The following PALM2AKAP2 variants were observed in gnomAD, a reference collection of about 807,000 sequenced individuals.
PALM2AKAP2 encodes PALM2-AKAP2 fusion protein.
A neutral mutation model predicts 71.5 loss-of-function variants in PALM2AKAP2; 37 were observed. The observed-to-expected ratio is 0.52, with a 90% confidence interval of 0.40 to 0.68. The LOEUF is 0.68. Ranked by LOEUF, PALM2AKAP2 falls within the 30% of genes least tolerant of loss-of-function variation. The pLI is 0.00. For synonymous variants in PALM2AKAP2, 468 were observed against 478.8 expected (o/e 0.98, Z 0.29); for missense variants, 1,224 against 1,191.8 (o/e 1.03, Z -0.40).
At chr9:110,054,490 T>A (rs1833790468) in intron 1 of PALM2AKAP2, among the ~76,000 whole-genome samples, 1 of 152,204 alleles carries the variant, frequency 6.6e-6, no homozygotes, top group Non-Finnish European at 1.5e-5. Flanking sequence ...CCTCCTAAAG[T>A]TGGTTGTTCT....
chr9:109,919,656 T>C (rs1287017414), intron 3 of PALM2AKAP2, among the ~76,000 whole-genome samples: 1 of 151,962 alleles, frequency 6.6e-6, no homozygotes, highest in Non-Finnish European at 1.5e-5. Flanking sequence ...AATATATGTG[T>C]ATATATATTA....
chr9:110,059,238 G>T (rs117642439), intron 1 of PALM2AKAP2, among the ~76,000 whole-genome samples: 1 of 152,186 alleles, frequency 6.6e-6, no homozygotes, highest in African/African-American at 2.4e-5. Context: ...ATCCAATAAA[G>T]AGCTCCTGTC....
rs116168541 is a variant in PALM2AKAP2, at chr9:109,997,303, G to C, written c.497-18651G>C. ...TTGCAAGCCTGTTTTCTCATCTGCA[G>C]AGCGGGGATAATATTGTGTCTACCT... On this transcript the variant is annotated intron_variant, in intron 6 of 9. Transcript: ENST00000302798. Among the ~76,000 whole-genome samples the C allele has an allele frequency of 9.1e-3, 1,382 of 152,320 alleles. 24 individuals carry two copies. Among genetic ancestry groups the C allele is most frequent in the African/African-American group, 0.031 (1,299 of 41,570 alleles).
chr9:109,926,502 T>A (rs79696662), intron 5 of PALM2AKAP2, among the ~76,000 whole-genome samples: 2,035 of 152,102 alleles, frequency 0.013, 43 homozygotes, highest in African/African-American at 0.047. Flanking sequence ...GGGCACGGAT[T>A]GAGGAAGTGG....
chr9:109,929,169 G>GTTTTTT (rs35064231), intron 5 of PALM2AKAP2, among the ~76,000 whole-genome samples: 2 of 137,758 alleles, frequency 1.5e-5, no homozygotes, highest in Admixed American at 7.3e-5. Context: ...TCTGTAAGTA[G>GTTTTTT]TTTTTTTTTT....
intron 1 of PALM2AKAP2, among the ~76,000 whole-genome samples, chr9:109,803,897 A>G (rs191602514): frequency 1.1e-3 from 174 of 152,338 alleles, no homozygotes; most frequent in African/African-American, 3.8e-3. Context: ...CTGTAAATAT[A>G]TTCCTTGGAG....
At chr9:109,900,392 G>A (rs1232398543) in intron 3 of PALM2AKAP2, among the ~76,000 whole-genome samples, 1 of 152,188 alleles carries the variant, frequency 6.6e-6, no homozygotes. Context: ...CAGAAAATAA[G>A]TAAAATCATC....
intron 6 of PALM2AKAP2, among the ~76,000 whole-genome samples, chr9:109,992,939 G>GTATATA (rs372571970): frequency 1.2e-3 from 171 of 138,934 alleles, no homozygotes; most frequent in African/African-American, 3.0e-3. Flanking sequence ...TCATATATAT[G>GTATATA]TATATATATA....
intron 1 of PALM2AKAP2, among the ~76,000 whole-genome samples, chr9:109,756,095 A>G (rs186189197): frequency 3.9e-4 from 60 of 152,300 alleles, no homozygotes; most frequent in African/African-American, 1.4e-3. Context: ...ATATAGTTAT[A>G]ACACTTTTGA....
intron 1 of PALM2AKAP2, among the ~76,000 whole-genome samples, chr9:109,807,495 A>G (rs1827609676): frequency 6.6e-6 from 1 of 151,660 alleles, no homozygotes; most frequent in African/African-American, 2.4e-5. Flanking sequence ...TTCCTGGTTC[A>G]TAGATGGAAC....
At chr9:110,157,483 C>T (rs1391338615) in intron 3 of PALM2AKAP2, among the ~76,000 whole-genome samples, 2 of 152,092 alleles carry the variant, frequency 1.3e-5, no homozygotes, top group South Asian at 2.1e-4. Context: ...ATTGCAGCCT[C>T]GACCTCCTGG....
chr9:109,925,016 C>T (rs771135489), intron 4 of PALM2AKAP2, 45 bp from the exon 5 acceptor site: 3 of 1,613,486 alleles, frequency 1.9e-6, no homozygotes, highest in Non-Finnish European at 2.5e-6. Flanking sequence ...TGGGATTGTA[C>T]CCCCACATGT....
chr9:110,027,359 T>C (rs991172782), intron 7 of PALM2AKAP2, among the ~76,000 whole-genome samples: 4 of 152,246 alleles, frequency 2.6e-5, no homozygotes, highest in African/African-American at 9.6e-5. Context: ...GTGATTTGGC[T>C]GTCATTTCCA....
chr9:110,053,094 A>G (rs1833744651), intron 1 of PALM2AKAP2, among the ~76,000 whole-genome samples: 1 of 152,120 alleles, frequency 6.6e-6, no homozygotes, highest in Admixed American at 6.6e-5. Context: ...GGGGCTGGAG[A>G]AGACAGAGCA....
intron 1 of PALM2AKAP2, among the ~76,000 whole-genome samples, chr9:110,106,966 G>C (rs1331213857): frequency 1.3e-5 from 2 of 152,174 alleles, no homozygotes; most frequent in Non-Finnish European, 2.9e-5. Flanking sequence ...ACTCCTAATG[G>C]AAGATAAGTC....
intron 3 of PALM2AKAP2, among the ~76,000 whole-genome samples, chr9:109,892,260 C>T (rs546425039): frequency 2.0e-5 from 3 of 152,268 alleles, no homozygotes; most frequent in East Asian, 1.9e-4. Flanking sequence ...GTGGCTGTGT[C>T]GCTCTAATCT....
intron 6 of PALM2AKAP2, among the ~76,000 whole-genome samples, chr9:109,932,822 G>C (rs1359994290): frequency 6.6e-6 from 1 of 152,180 alleles, no homozygotes; most frequent in African/African-American, 2.4e-5. Context: ...CTTCAAATAT[G>C]AGTATCAGAT....
At position 109,805,837 on chromosome 9, in the gene PALM2AKAP2, C is replaced by A. The variant is rs540813486; in HGVS notation, c.45+25304C>A. 3.9e-5 allele frequency among the ~76,000 whole-genome samples: 6 copies of A among 152,320 alleles called. No individual in the cohort carries two copies. In the South Asian group the frequency reaches 1.2e-3, roughly 32 times the overall value. ...ACATTTGCTAAAATATTTCCCCAAG[C>A]ACCCAGGATATCCTTTGCATGGTGG... is the stretch of plus-strand genomic sequence containing the variant. On this transcript the variant is annotated intron_variant, in intron 1 of 9. Transcript: ENST00000302798.
At chr9:110,104,723 G>A (rs934548474) in intron 1 of PALM2AKAP2, among the ~76,000 whole-genome samples, 1 of 152,178 alleles carries the variant, frequency 6.6e-6, no homozygotes, top group Non-Finnish European at 1.5e-5. Flanking sequence ...TTTAAAACCT[G>A]GACTCACTTG....
Sources: gnomAD v4.1 joint callset for allele counts (sites outside exome capture counted in the v4.1 genomes callset) on GRCh38, gnomAD v4.1.1 for gene constraint, MANE v1.5 for transcripts, NCBI Gene and HGNC (gene_info 2026-07-23, HGNC 2026-07-21) for gene names.